SGSM1: variants seen among roughly 807,000 people sequenced by gnomAD.
SGSM1 encodes small G protein signaling modulator 1.
SGSM1 carries 73 observed loss-of-function variants against 133.8 expected under a neutral mutation model. The ratio of observed to expected loss-of-function variants is 0.55; its 90% CI spans 0.45 to 0.66. The LOEUF is 0.66. SGSM1 is among the 30% of genes least tolerant of loss of function. The pLI, the probability that SGSM1 is intolerant of heterozygous loss-of-function variation, is 0.00. For missense variants in SGSM1, 1,213 were observed against 1,448.1 expected (o/e 0.84, Z 2.64); for synonymous variants, 563 against 573.0 (o/e 0.98, Z 0.25).
chr22:24,820,775 C>G (rs1420900676), intron 2 of SGSM1, among the ~76,000 whole-genome samples: 4 of 152,228 alleles, frequency 2.6e-5, no homozygotes, highest in Middle Eastern at 6.3e-3. Context: ...GTACCAGACT[C>G]TGTGCTGGGC....
At chr22:24,882,236 T>C (rs967420773) in intron 14 of SGSM1, among the ~76,000 whole-genome samples, 1 of 151,804 alleles carries the variant, frequency 6.6e-6, no homozygotes, top group African/African-American at 2.4e-5. Flanking sequence ...CTGGCTAGTT[T>C]TTTGTATTTT....
At chr22:24,860,435 G>T (rs1931055386) in intron 9 of SGSM1, among the ~76,000 whole-genome samples, 2 of 152,070 alleles carry the variant, frequency 1.3e-5, no homozygotes, top group Non-Finnish European at 2.9e-5. Context: ...CTGCTGGTGG[G>T]GAGGAGAAGC....
In SGSM1 at chr22:24,850,394, C is replaced by T; in HGVS notation, c.417C>T (p.Val139=). The T allele has an allele frequency of 1.9e-6, 3 of 1,613,970 alleles. No homozygotes were observed. Among genetic ancestry groups the T allele is most frequent in the Non-Finnish European group, 2.5e-6 (3 of 1,179,884 alleles). The change falls in exon 5 of 25, where the codon GTC becomes GTT. Residue 139 remains valine (V), a synonymous_variant. Transcript: ENST00000400358. The part of the protein sequence containing the change: ...LWIRTALFEK[V]LDKIVHYLVE... ...TTCGCACAGCCTTGTTTGAGAAGGT[C>T]CTGGACAAAATTGTGCATTACCTTG... is the stretch of plus-strand genomic sequence containing the variant.
chr22:24,853,444 C>T (rs1025398887), intron 5 of SGSM1, among the ~76,000 whole-genome samples: 1 of 152,186 alleles, frequency 6.6e-6, no homozygotes, highest in East Asian at 1.9e-4. Context: ...CTCAAACAAA[C>T]AAATCCAAAA....
chr22:24,849,921 G>T (rs1349016810), intron 4 of SGSM1, among the ~76,000 whole-genome samples: 1 of 152,196 alleles, frequency 6.6e-6, no homozygotes, highest in Non-Finnish European at 1.5e-5. Flanking sequence ...AGGTCTTGGA[G>T]CTCTCTGCTG....
At chr22:24,858,271 C>T (rs1474110753) in intron 8 of SGSM1, among the ~76,000 whole-genome samples, 2 of 152,172 alleles carry the variant, frequency 1.3e-5, no homozygotes, top group Non-Finnish European at 2.9e-5. Flanking sequence ...TGAGCCACTG[C>T]GCCCAGCCTG....
At chr22:24,811,044 CAGTG>C (rs1400936427) in intron 2 of SGSM1, among the ~76,000 whole-genome samples, 2 of 152,174 alleles carry the variant, frequency 1.3e-5, no homozygotes, top group Non-Finnish European at 2.9e-5. Context: ...TTCAGATAAA[CAGTG>C]AGTAAGTTTT....
rs1293341075 is a variant in SGSM1 at position 24,829,236 on chromosome 22, CAGG to C, written c.64-15658_64-15656del. 5.9e-5 allele frequency among the ~76,000 whole-genome samples: 9 copies of C among 151,770 alleles called. 1 individual carries two copies. The highest frequency in any genetic ancestry group is 5.9e-4 in the Admixed American group (9 of 15,264). Reference sequence around the variant, plus strand: ...AGTGAGATCATATCCTTCGCAGGAGCAGGAGTGGAGATGGAGGCCATTATCCTT... The same window carrying C: ...AGTGAGATCATATCCTTCGCAGGAGCAGTGGAGATGGAGGCCATTATCCTT... On this transcript the variant is annotated intron_variant, in intron 2 of 24. Transcript: ENST00000400358.
chr22:24,893,196 A>T (rs1932844050), intron 16 of SGSM1, among the ~76,000 whole-genome samples: 1 of 152,216 alleles, frequency 6.6e-6, no homozygotes, highest in African/African-American at 2.4e-5. Context: ...TTATATATGT[A>T]TGCATGAATG....
intron 2 of SGSM1, among the ~76,000 whole-genome samples, chr22:24,818,045 A>AACATGATGAAACCCTGTCTC (rs199881254): frequency 0.28 from 42,380 of 150,710 alleles, 6,618 homozygotes; most frequent in East Asian, 0.58. Flanking sequence ...CAGCCTGGCC[A>AACATGATGAAACCCTGTCTC]ACATGATGAA....
At position 24,812,708 on chromosome 22, in the gene SGSM1, A is replaced by G. The variant is rs576872493; in HGVS notation, c.63+6224A>G. On this transcript the variant is annotated intron_variant, in intron 2 of 24. Coordinates refer to ENST00000400358, the MANE Select transcript of SGSM1 (RefSeq NM_001098497.3). Reference sequence around the variant, plus strand: ...TTAGGGCTGTACTTCAGGAAGTTTCAGCTAATAGCAGGGACCAGGATAGAC... The same window carrying G: ...TTAGGGCTGTACTTCAGGAAGTTTCGGCTAATAGCAGGGACCAGGATAGAC... Among the ~76,000 whole-genome samples the G allele has an allele frequency of 2.0e-5, 3 of 152,316 alleles. No individual in the cohort carries two copies. In the East Asian group the frequency reaches 5.8e-4, roughly 29 times the overall value.
At position 24,841,068 on chromosome 22, in the gene SGSM1, T is replaced by G. The variant is rs5996773; in HGVS notation, c.64-3829T>G. Reference sequence around the variant, plus strand: ...GGTTTCACCGTGTTAGCCAAGATGGTCTCGATCTCCTGACCTTGTGATCCG... The same window carrying G: ...GGTTTCACCGTGTTAGCCAAGATGGGCTCGATCTCCTGACCTTGTGATCCG... On this transcript the variant is annotated intron_variant, in intron 2 of 24. Transcript: ENST00000400358. Among the ~76,000 whole-genome samples the G allele has an allele frequency of 2.0e-5, 3 of 151,960 alleles. No individual in the cohort carries two copies. The East Asian group carries it at 5.8e-4, about 29-fold the overall frequency.
chr22:24,923,062 T>C (rs927005514), intron 24 of SGSM1, among the ~76,000 whole-genome samples: 3 of 152,034 alleles, frequency 2.0e-5, no homozygotes, highest in African/African-American at 7.2e-5. Flanking sequence ...CACTTGAGCT[T>C]GGGAGGTGGA....
At chr22:24,888,190 T>A (rs1932720304) in intron 16 of SGSM1, among the ~76,000 whole-genome samples, 1 of 152,356 alleles carries the variant, frequency 6.6e-6, no homozygotes, top group South Asian at 2.1e-4. Context: ...AATTTTTAAA[T>A]TTTTAATGAA....
chr22:24,812,184 A>AAAG (rs1422576820), intron 2 of SGSM1, among the ~76,000 whole-genome samples: 4 of 150,486 alleles, frequency 2.7e-5, no homozygotes, highest in African/African-American at 7.4e-5. Context: ...AAAGAAAAAA[A>AAAG]AAAAGAAAAG....
chr22:24,919,755 C>T (rs989497138), intron 23 of SGSM1, 71 bp from the exon 24 acceptor site: 1 of 1,580,246 alleles, frequency 6.3e-7, no homozygotes, highest in Non-Finnish European at 8.6e-7. Flanking sequence ...CCTTGGGGGG[C>T]TTCCCAAGGC....
chr22:24,924,152 G>A, intron 24 of SGSM1, 34 bp from the exon 25 acceptor site: 1 of 1,600,986 alleles, frequency 6.2e-7, no homozygotes, highest in Non-Finnish European at 8.6e-7. Flanking sequence ...GACACAGAAG[G>A]AGGCTCATGA....
intron 20 of SGSM1, among the ~76,000 whole-genome samples, chr22:24,902,550 G>A (rs974332003): frequency 6.6e-6 from 1 of 152,092 alleles, no homozygotes; most frequent in Non-Finnish European, 1.5e-5. Flanking sequence ...GCTGGACATA[G>A]TGGCATGCAC....
chr22:24,920,390 C>G (rs1933962510), intron 24 of SGSM1, among the ~76,000 whole-genome samples: 1 of 152,274 alleles, frequency 6.6e-6, no homozygotes, highest in South Asian at 2.1e-4. Flanking sequence ...TTGAGTAACA[C>G]GAAAAAGACA....
Sources: gnomAD v4.1 joint callset for allele counts (sites outside exome capture counted in the v4.1 genomes callset) on GRCh38, gnomAD v4.1.1 for gene constraint, MANE v1.5 for transcripts, NCBI Gene and HGNC (gene_info 2026-07-23, HGNC 2026-07-21) for gene names.